The following NCOA2 variants were observed in gnomAD, a reference collection of about 807,000 sequenced individuals.
NCOA2 encodes class E basic helix-loop-helix protein 75.
Under a neutral mutation model 145.1 loss-of-function variants are expected in NCOA2, and 21 were observed. The observed-to-expected ratio is 0.14, with a 90% CI of 0.10 to 0.21. The LOEUF is 0.21. NCOA2 is among the 10% of genes least tolerant of loss of function. NCOA2 has a pLI of 1.00. For missense variants in NCOA2, 1,472 were observed against 1,837.6 expected (o/e 0.80, Z 3.64); for synonymous variants, 619 against 637.5 (o/e 0.97, Z 0.44).
intron 1 of NCOA2, among the ~76,000 whole-genome samples, chr8:70,329,684 AGGAT>A (rs1806906593): frequency 6.6e-6 from 1 of 150,386 alleles, no homozygotes; most frequent in Non-Finnish European, 1.5e-5. Context: ...ATTCATCAAT[AGGAT>A]AAATAAATAT....
At chr8:70,145,360 C>G (rs529140461) in intron 12 of NCOA2, among the ~76,000 whole-genome samples, 1 of 149,964 alleles carries the variant, frequency 6.7e-6, no homozygotes, top group East Asian at 2.0e-4. Context: ...GAGTCTCGCT[C>G]TGTTGCGAGG....
chr8:70,320,967 ACT>A lies in NCOA2; in HGVS notation c.-76-24169_-76-24168del, dbSNP rs144868644. Among the ~76,000 whole-genome samples, 1,402 of 152,252 alleles carry A rather than the reference ACT, an allele frequency of 9.2e-3. 7 individuals are homozygous for A. The highest frequency in any genetic ancestry group is 0.014 in the Non-Finnish European group (922 of 67,998). On this transcript the variant is annotated intron_variant, in intron 1 of 22. Coordinates refer to ENST00000452400, the MANE Select transcript of NCOA2 (RefSeq NM_006540.4). ...CCTTTTGAAATCCTTTTATTATCAC[ACT>A]GATTAAATGAATGACTACTATTTCG... is the stretch of plus-strand genomic sequence containing the variant.
At chr8:70,162,665 C>G in intron 9 of NCOA2, 46 bp downstream of exon 9, 1 of 1,563,034 alleles carries the variant, frequency 6.4e-7, no homozygotes, top group Non-Finnish European at 8.7e-7. Context: ...ACAGAAAGCT[C>G]CCACAGGAAG....
chr8:70,213,472 C>T (rs529167202), intron 4 of NCOA2, among the ~76,000 whole-genome samples: 2 of 152,238 alleles, frequency 1.3e-5, no homozygotes, highest in East Asian at 3.9e-4. Flanking sequence ...AGTGTCATGG[C>T]CAGTTGAGGC....
chr8:70,371,392 A>G (rs1001014293), intron 1 of NCOA2, among the ~76,000 whole-genome samples: 1 of 152,174 alleles, frequency 6.6e-6, no homozygotes, highest in Non-Finnish European at 1.5e-5. Flanking sequence ...TTTCTACCAC[A>G]ATAAAAAAAT....
At chr8:70,354,572 C>T (rs563886000) in intron 1 of NCOA2, among the ~76,000 whole-genome samples, 4 of 152,246 alleles carry the variant, frequency 2.6e-5, no homozygotes, top group African/African-American at 9.6e-5. Context: ...GAAACATAGG[C>T]CTAACCCAAT....
intron 4 of NCOA2, among the ~76,000 whole-genome samples, chr8:70,190,360 A>G (rs1816549473): frequency 6.6e-6 from 1 of 152,232 alleles, no homozygotes; most frequent in Admixed American, 6.5e-5. Context: ...TGTCCTTTCT[A>G]AAGAAACTAT....
chr8:70,288,057 T>C (rs562648317), intron 2 of NCOA2, among the ~76,000 whole-genome samples: 2 of 152,292 alleles, frequency 1.3e-5, no homozygotes, highest in South Asian at 4.1e-4. Context: ...GGGCAAGTTA[T>C]TTAACTTCTC....
chr8:70,439,740 C>T, the NCOA2 span, among the ~76,000 whole-genome samples: 21 of 152,286 alleles, frequency 1.4e-4, no homozygotes, highest in South Asian at 3.3e-3. Context: ...CTCAGCCCCG[C>T]GGAGGAGGCT....
chr8:70,367,371 G>C (rs914794394), intron 1 of NCOA2, among the ~76,000 whole-genome samples: 1 of 152,192 alleles, frequency 6.6e-6, no homozygotes, highest in Non-Finnish European at 1.5e-5. Context: ...CTGAAGCTCT[G>C]TGGGAATAAT....
chr8:70,201,849 G>T (rs535696185), intron 4 of NCOA2, among the ~76,000 whole-genome samples: 16 of 152,194 alleles, frequency 1.1e-4, no homozygotes, highest in Non-Finnish European at 2.1e-4. Context: ...CCAGAAAGGA[G>T]ATGTCAATGC....
chr8:70,202,489 C>G (rs1274674381), intron 4 of NCOA2, among the ~76,000 whole-genome samples: 2 of 152,068 alleles, frequency 1.3e-5, no homozygotes, highest in African/African-American at 4.8e-5. Flanking sequence ...GTATATAACA[C>G]AGTAGAATCT....
At chr8:70,142,302 A>T (rs1810530612) in intron 13 of NCOA2, among the ~76,000 whole-genome samples, 1 of 152,210 alleles carries the variant, frequency 6.6e-6, no homozygotes, top group South Asian at 2.1e-4. Context: ...AACAACTAAA[A>T]ATGGGGTATA....
chr8:70,422,402 T>G, the NCOA2 span, among the ~76,000 whole-genome samples: 13 of 121,920 alleles, frequency 1.1e-4, no homozygotes, highest in South Asian at 2.3e-4. Flanking sequence ...AAATGCTGTG[T>G]TTTTTTTTTT....
chr8:70,316,912 T>C (rs757003806), intron 1 of NCOA2, among the ~76,000 whole-genome samples: 4 of 152,166 alleles, frequency 2.6e-5, no homozygotes, highest in Non-Finnish European at 5.9e-5. Flanking sequence ...GGAGAGGTGT[T>C]GCCCACCTCT....
At chr8:70,142,579 G>A (rs1425142416) in intron 13 of NCOA2, among the ~76,000 whole-genome samples, 1 of 152,048 alleles carries the variant, frequency 6.6e-6, no homozygotes, top group Non-Finnish European at 1.5e-5. Context: ...GATGCCTGTA[G>A]TCCCAATTAC....
At chr8:70,317,409 C>T (rs1043452348) in intron 1 of NCOA2, among the ~76,000 whole-genome samples, 4 of 152,168 alleles carry the variant, frequency 2.6e-5, no homozygotes, top group African/African-American at 9.7e-5. Context: ...AGTATCTGCA[C>T]AAGAAGGCAC....
chr8:70,225,345 C>T (rs1055709318), intron 2 of NCOA2, among the ~76,000 whole-genome samples: 2 of 151,924 alleles, frequency 1.3e-5, no homozygotes, highest in African/African-American at 4.8e-5. Context: ...GTCAGACGTT[C>T]GAGACCAACA....
chr8:70,391,405 T>C (rs1164054035), intron 1 of NCOA2, among the ~76,000 whole-genome samples: 3 of 152,170 alleles, frequency 2.0e-5, no homozygotes, highest in African/African-American at 7.2e-5. Flanking sequence ...AAATGTCTCA[T>C]GGTCAGATAC....
Sources: gnomAD v4.1 joint callset for allele counts (sites outside exome capture counted in the v4.1 genomes callset) on GRCh38, gnomAD v4.1.1 for gene constraint, MANE v1.5 for transcripts, NCBI Gene and HGNC (gene_info 2026-07-23, HGNC 2026-07-21) for gene names.